Variants in NSL1 observed in about 807,000 individuals in gnomAD.
The protein encoded by NSL1 is NSL1 component of MIS12 kinetochore complex, also known as kinetochore-associated protein NSL1 homolog.
In NSL1, 11 loss-of-function variants were observed where a neutral mutation model predicts 25.4. The observed-to-expected ratio is 0.43, with a 90% CI of 0.27 to 0.72. The LOEUF (loss-of-function observed/expected upper bound fraction) is 0.72. NSL1 is among the 30% of genes least tolerant of loss of function. The probability of loss-of-function intolerance (pLI) is 0.19; values close to 1 mark genes in which losing one functional copy is unlikely to be tolerated. For synonymous variants in NSL1, 118 were observed against 120.6 expected, an observed-to-expected ratio of 0.98 and a Z score of 0.14; for missense variants, 330 against 342.7, an observed-to-expected ratio of 0.96 and a Z score of 0.29.
chr1:212,782,190 G>A, intron 4 of NSL1, 182 bp downstream of exon 4: 1 of 698,230 alleles, frequency 1.4e-6, no homozygotes, highest in East Asian at 2.6e-5. Context: ...GGAATTCTGA[G>A]TCAATGGGTG....
chr1:212,734,725 T>C lies in NSL1; in HGVS notation c.*3683A>G, dbSNP rs1004035923. 6.6e-6 allele frequency among the ~76,000 whole-genome samples: 1 copy of C among 152,238 alleles called. No homozygotes were observed. Among genetic ancestry groups the C allele is most frequent in the African/African-American group, 2.4e-5 (1 of 41,468 alleles). On this transcript the variant is annotated 3_prime_UTR_variant, in exon 6 of 6. Transcript: ENST00000366977. ...GTTCTTTATTCCTGTATTCCTTCCC[T>C]GATTATTTGCCTAAAACATTCAAGA...
At chr1:212,759,914 G>A (rs1446677518) in intron 4 of NSL1, among the ~76,000 whole-genome samples, 2 of 152,126 alleles carry the variant, frequency 1.3e-5, no homozygotes, top group Non-Finnish European at 2.9e-5. Flanking sequence ...TTTCCCTGGG[G>A]CCACCCAGCA....
At chr1:212,778,846 C>G (rs1262437193) in intron 4 of NSL1, among the ~76,000 whole-genome samples, 20 of 151,874 alleles carry the variant, frequency 1.3e-4, no homozygotes, top group Admixed American at 5.3e-4. Flanking sequence ...AGGAGCGTCT[C>G]TGCCTGGCCG....
intron 4 of NSL1, among the ~76,000 whole-genome samples, chr1:212,741,767 A>G (rs1160228931): frequency 6.6e-6 from 1 of 152,230 alleles, no homozygotes; most frequent in East Asian, 1.9e-4. Flanking sequence ...GCTGAGCAGT[A>G]GGTACTTATA....
In NSL1 at chr1:212,727,000, G is replaced by C. The variant is rs1657817201; in HGVS notation, c.*11408C>G. 2.1e-6 allele frequency: 2 copies of C among 974,420 alleles called. No homozygotes were observed. Among genetic ancestry groups the C allele is most frequent in the African/African-American group, 3.4e-5 (2 of 59,356 alleles). The allele number at this position is 974,420 out of a possible 1,614,324, so 60.4% of individuals were successfully genotyped here. ...GCTTCCTGGCTGTGTCCTCTCAGAG[G>C]CCCTCCAGTCCAGTCTACTCCGGCC... On this transcript the variant is annotated 3_prime_UTR_variant, in exon 6 of 6. Transcript: ENST00000366977.
Position 212,726,396 on chromosome 1 carries a change from T to C in NSL1, c.*12012A>G, listed in dbSNP as rs887975123. On this transcript the variant is annotated 3_prime_UTR_variant, in exon 6 of 6. Transcript: ENST00000366977. ...TCAAGCCAATTATTCAAACAGTTTTTGGGAGGTAACACTGTCCCTATGGGA... is the reference window on the plus strand; with the variant it reads ...TCAAGCCAATTATTCAAACAGTTTTCGGGAGGTAACACTGTCCCTATGGGA... 6.6e-6 allele frequency: 1 copy of C among 152,302 alleles called. No individual in the cohort carries two copies. The highest frequency in any genetic ancestry group is 1.5e-5 in the Non-Finnish European group (1 of 68,102). 9.4% of individuals were successfully genotyped at this position (152,302 alleles called of 1,614,324 possible). A position where few individuals can be genotyped will look rare whatever the true frequency, so the allele number is the denominator to read the frequency against.
At chr1:212,742,536 G>A (rs1022486171) in intron 4 of NSL1, among the ~76,000 whole-genome samples, 28 of 152,134 alleles carry the variant, frequency 1.8e-4, no homozygotes, top group African/African-American at 6.5e-4. Context: ...ATGAAAAAGT[G>A]CGAGATTAAA....
chr1:212,738,760 A>C, intron 5 of NSL1, 74 bp from the exon 6 acceptor site: 1 of 1,256,350 alleles, frequency 8.0e-7, no homozygotes, highest in South Asian at 1.5e-5. Flanking sequence ...TGGATGCAGT[A>C]CTCTAATTTT....
chr1:212,745,160 CTATATATATATATATATATATATATATAT>C (rs1359387041), intron 4 of NSL1, among the ~76,000 whole-genome samples: 11 of 117,688 alleles, frequency 9.3e-5, no homozygotes, highest in East Asian at 7.9e-4. Flanking sequence ...AACAAACAAA[CTATATATATATATATATATATATATATAT>C]ATATATATAT....
chr1:212,752,361 T>C (rs1331640034), intron 4 of NSL1, among the ~76,000 whole-genome samples: 3 of 152,188 alleles, frequency 2.0e-5, no homozygotes, highest in South Asian at 2.1e-4. Flanking sequence ...CCTGTAAATA[T>C]TGTGACAGTG....
chr1:212,730,383 TAGA>T lies in NSL1; in HGVS notation c.*8022_*8024del. On this transcript the variant is annotated 3_prime_UTR_variant, in exon 6 of 6. Coordinates refer to ENST00000366977, the MANE Select transcript of NSL1 (RefSeq NM_015471.4). ...CAAAAGAACTCCAATGACATCATTGTAGAAGATGTGGGCCACAGAGCTACATGA... is the reference window on the plus strand; with the variant it reads ...CAAAAGAACTCCAATGACATCATTGTAGATGTGGGCCACAGAGCTACATGA... 2 of 985,032 alleles carry T rather than the reference TAGA, an allele frequency of 2.0e-6. No individual in the cohort carries two copies. Among genetic ancestry groups the T allele is most frequent in the Non-Finnish European group, 2.4e-6 (2 of 829,872 alleles). 61.0% of individuals were successfully genotyped at this position (985,032 alleles called of 1,614,324 possible).
intron 4 of NSL1, among the ~76,000 whole-genome samples, chr1:212,756,168 G>A (rs1177294388): frequency 4.6e-5 from 7 of 152,146 alleles, no homozygotes. Flanking sequence ...CACTCAGGCT[G>A]GAGTGTAGTG....
chr1:212,782,876 C>A (rs951296633), intron 3 of NSL1, among the ~76,000 whole-genome samples: 16 of 152,144 alleles, frequency 1.1e-4, no homozygotes, highest in African/African-American at 3.4e-4. Context: ...TATCCTGCGA[C>A]ACACTGAAAT....
rs978492741 is a variant in NSL1, at chr1:212,733,158, G to T, written c.*5250C>A. On this transcript the variant is annotated 3_prime_UTR_variant, in exon 6 of 6. Coordinates refer to ENST00000366977, the MANE Select transcript of NSL1 (RefSeq NM_015471.4). ...TCATCACCCTCAAAAGACATCCCAG[G>T]CCAGGCGCAGTGGCTCACGCCTGTA... 6.6e-6 allele frequency among the ~76,000 whole-genome samples: 1 copy of T among 152,090 alleles called. No homozygotes were observed. Among genetic ancestry groups the T allele is most frequent in the Non-Finnish European group, 1.5e-5 (1 of 68,022 alleles).
chr1:212,772,718 C>T (rs962330004), intron 4 of NSL1, among the ~76,000 whole-genome samples: 1 of 151,746 alleles, frequency 6.6e-6, no homozygotes, highest in African/African-American at 2.4e-5. Context: ...AAAATTAGTA[C>T]AAAACCACAA....
intron 4 of NSL1, among the ~76,000 whole-genome samples, chr1:212,759,639 C>T (rs1477477712): frequency 1.3e-5 from 2 of 152,072 alleles, no homozygotes; most frequent in African/African-American, 2.4e-5. Context: ...TTTGAGAATT[C>T]AACCCCCACC....
rs1431497800 is a variant in NSL1 at position 212,727,975 on chromosome 1, T to C, written c.*10433A>G. The stretch of plus-strand genomic sequence containing the variant: ...CTGAGACTCTGGACAAGGCCTTTGC[T>C]GTGAACCACGGGGAGAAGGTGGAAG... On this transcript the variant is annotated 3_prime_UTR_variant, in exon 6 of 6. Transcript: ENST00000366977. 1 of 985,332 alleles carries C rather than the reference T, an allele frequency of 1.0e-6. No homozygotes were observed. Among genetic ancestry groups the C allele is most frequent in the African/African-American group, 1.7e-5 (1 of 57,258 alleles). 61.0% of individuals were successfully genotyped at this position (985,332 alleles called of 1,614,324 possible).
chr1:212,758,987 A>T (rs114693806), intron 4 of NSL1, among the ~76,000 whole-genome samples: 658 of 152,358 alleles, frequency 4.3e-3, no homozygotes, highest in Middle Eastern at 0.017. Flanking sequence ...TACATATTAC[A>T]GTCAACTGAT....
At chr1:212,756,621 AC>A (rs1659321224) in intron 4 of NSL1, among the ~76,000 whole-genome samples, 1 of 152,146 alleles carries the variant, frequency 6.6e-6, no homozygotes, top group South Asian at 2.1e-4. Flanking sequence ...AGACTTTGAA[AC>A]CAGCCTGGCC....
Sources: allele counts gnomAD v4.1 joint callset (sites outside exome capture counted in the v4.1 genomes callset), GRCh38; gene constraint gnomAD v4.1.1; transcripts MANE v1.5; gene names NCBI Gene and HGNC (gene_info 2026-07-23, HGNC 2026-07-21).